RALYL: variants seen among roughly 807,000 people sequenced by gnomAD.
RALYL encodes the protein RNA-binding Raly-like protein.
In RALYL, 29 loss-of-function variants were observed where a neutral mutation model predicts 35.1. That is an observed-to-expected ratio of 0.83 (90% CI 0.61 to 1.13). The LOEUF is 1.13. RALYL is among the 50% of genes most tolerant of loss of function. RALYL has a pLI of 0.00. For missense variants in RALYL, 359 were observed against 360.4 expected, an observed-to-expected ratio of 1.00 and a Z score of 0.03; for synonymous variants, 120 against 127.6, an observed-to-expected ratio of 0.94 and a Z score of 0.40.
chr8:84,485,062 C>T (rs1265269859), intron 1 of RALYL, among the ~76,000 whole-genome samples: 1 of 152,072 alleles, frequency 6.6e-6, no homozygotes, highest in African/African-American at 2.4e-5. Flanking sequence ...ACCTCTCTGC[C>T]GCCGCCTTCT....
At chr8:84,258,880 G>A (rs1265914305) in intron 1 of RALYL, among the ~76,000 whole-genome samples, 1 of 152,032 alleles carries the variant, frequency 6.6e-6, no homozygotes, top group African/African-American at 2.4e-5. Context: ...AATATTCCCA[G>A]GTGTGAACCA....
intron 1 of RALYL, among the ~76,000 whole-genome samples, chr8:84,218,094 C>T (rs975363536): frequency 6.6e-6 from 1 of 151,798 alleles, no homozygotes; most frequent in Admixed American, 6.6e-5. Context: ...TATTCTAGAA[C>T]ATTTTACTTC....
chr8:84,571,756 A>T (rs982041513), intron 2 of RALYL, among the ~76,000 whole-genome samples: 1 of 151,714 alleles, frequency 6.6e-6, no homozygotes, highest in East Asian at 1.9e-4. Context: ...AGTGAAACCA[A>T]CTTTTCTCTT....
intron 2 of RALYL, among the ~76,000 whole-genome samples, chr8:84,645,125 A>G (rs1004840296): frequency 6.6e-6 from 1 of 151,976 alleles, no homozygotes; most frequent in Non-Finnish European, 1.5e-5. Flanking sequence ...ATTATTATTA[A>G]ATGAATACAT....
intron 2 of RALYL, among the ~76,000 whole-genome samples, chr8:84,610,740 T>C (rs1295144607): frequency 6.6e-6 from 1 of 152,058 alleles, no homozygotes; most frequent in Non-Finnish European, 1.5e-5. Flanking sequence ...GAATGATGGG[T>C]ATTTGTTTTA....
At chr8:84,561,389 G>T (rs1564148381) in intron 2 of RALYL, among the ~76,000 whole-genome samples, 1 of 151,854 alleles carries the variant, frequency 6.6e-6, no homozygotes, top group Non-Finnish European at 1.5e-5. Context: ...TATTATGTAG[G>T]ATGAGTATGT....
intron 2 of RALYL, among the ~76,000 whole-genome samples, chr8:84,663,253 T>G (rs534521790): frequency 6.6e-6 from 1 of 152,276 alleles, no homozygotes; most frequent in South Asian, 2.1e-4. Flanking sequence ...TTTTGGTTGA[T>G]TCCATGACTT....
intron 1 of RALYL, among the ~76,000 whole-genome samples, chr8:84,510,868 G>A (rs963912162): frequency 6.6e-6 from 1 of 151,340 alleles, no homozygotes; most frequent in Non-Finnish European, 1.5e-5. Flanking sequence ...TTTGATATAT[G>A]TATACAATGT....
chr8:84,731,857 A>G lies in RALYL; in HGVS notation c.257-42722A>G, dbSNP rs561656931. Among the ~76,000 whole-genome samples, 138 of 152,178 alleles carry G rather than the reference A, an allele frequency of 9.1e-4. 2 individuals are homozygous for G. In the South Asian group the frequency reaches 0.028, roughly 31 times the overall value. On this transcript the variant is annotated intron_variant, in intron 2 of 8. Coordinates refer to ENST00000521268, the MANE Select transcript of RALYL (RefSeq NM_173848.7). ...CATAGGCAGCAGTGCCAACCTCTGT[A>G]TCTTCCCTCATTTTTCCATGTAGCG...
intron 2 of RALYL, among the ~76,000 whole-genome samples, chr8:84,723,833 C>G (rs943902224): frequency 1.3e-5 from 2 of 151,688 alleles, no homozygotes; most frequent in East Asian, 1.9e-4. Context: ...TCACCATTCC[C>G]CCACCCAAAC....
At chr8:84,379,239 G>T (rs1159155008) in intron 1 of RALYL, among the ~76,000 whole-genome samples, 1 of 151,840 alleles carries the variant, frequency 6.6e-6, no homozygotes, top group African/African-American at 2.4e-5. Flanking sequence ...CCAATGGATT[G>T]GTTCATCTTA....
At chr8:84,681,519 T>TA (rs1474967986) in intron 2 of RALYL, among the ~76,000 whole-genome samples, 1 of 152,192 alleles carries the variant, frequency 6.6e-6, no homozygotes, top group Non-Finnish European at 1.5e-5. Flanking sequence ...TTTATTTTGT[T>TA]GAGCAGTGGT....
intron 8 of RALYL, among the ~76,000 whole-genome samples, chr8:84,919,806 A>G (rs1849042854): frequency 2.0e-5 from 3 of 152,048 alleles, no homozygotes; most frequent in African/African-American, 7.2e-5. Flanking sequence ...CAGTTTATTA[A>G]ATTTTTTTTC....
intron 1 of RALYL, among the ~76,000 whole-genome samples, chr8:84,226,492 C>T (rs564088344): frequency 5.3e-5 from 8 of 152,208 alleles, no homozygotes; most frequent in African/African-American, 1.4e-4. Flanking sequence ...TCGCAACTTC[C>T]GCCTCCTGGA....
chr8:84,665,021 A>C (rs957160469), intron 2 of RALYL, among the ~76,000 whole-genome samples: 1 of 152,098 alleles, frequency 6.6e-6, no homozygotes, highest in Non-Finnish European at 1.5e-5. Context: ...GTTTACTAAG[A>C]GTTTTTAACA....
At chr8:84,719,269 C>T (rs780794538) in intron 2 of RALYL, among the ~76,000 whole-genome samples, 19 of 152,120 alleles carry the variant, frequency 1.2e-4, no homozygotes, top group East Asian at 1.9e-4. Flanking sequence ...ATAAACAGAA[C>T]GGATTGCCTT....
At chr8:84,559,022 T>C (rs959254427) in intron 2 of RALYL, among the ~76,000 whole-genome samples, 3 of 152,132 alleles carry the variant, frequency 2.0e-5, no homozygotes, top group Non-Finnish European at 4.4e-5. Flanking sequence ...TCATGTTTTT[T>C]CTGAAAAATA....
At chr8:84,264,698 C>G (rs950264667) in intron 1 of RALYL, among the ~76,000 whole-genome samples, 1 of 152,076 alleles carries the variant, frequency 6.6e-6, no homozygotes, top group Non-Finnish European at 1.5e-5. Flanking sequence ...GTATGATTCT[C>G]TCTTCAAGAG....
At position 84,427,658 on chromosome 8, in the gene RALYL, G is replaced by T. The variant is rs963947147; in HGVS notation, c.-23-101641G>T. On this transcript the variant is annotated intron_variant, in intron 1 of 8. Transcript: ENST00000521268. The stretch of plus-strand genomic sequence containing the variant: ...TCTTCCCATGTCCTGTCTCTCCTCT[G>T]TGCCTTTAATTATGCTCTACTGTTT... 2.0e-5 allele frequency among the ~76,000 whole-genome samples: 3 copies of T among 152,070 alleles called. No individual in the cohort carries two copies. In the East Asian group the frequency reaches 5.8e-4, roughly 29 times the overall value.
Sources: allele counts gnomAD v4.1 joint callset (sites outside exome capture counted in the v4.1 genomes callset), GRCh38; gene constraint gnomAD v4.1.1; transcripts MANE v1.5; gene names NCBI Gene and HGNC (gene_info 2026-07-23, HGNC 2026-07-21).